The following MAP2 variants were observed in gnomAD, a reference collection of about 807,000 sequenced individuals.
The protein encoded by MAP2 is microtubule associated protein 2.
Under a neutral mutation model 137.6 loss-of-function variants are expected in MAP2, and 14 were observed. That is an observed-to-expected ratio of 0.10 (90% CI 0.07 to 0.16). MAP2 has a LOEUF of 0.16. MAP2 is among the 10% of genes least tolerant of loss of function. The pLI, the probability that MAP2 is intolerant of heterozygous loss-of-function variation, is 1.00. For missense variants in MAP2, 2,088 were observed against 2,191.5 expected (o/e 0.95, Z 0.94); for synonymous variants, 786 against 782.3 (o/e 1.00, Z -0.08).
intron 1 of MAP2, among the ~76,000 whole-genome samples, chr2:209,472,162 A>G (rs1003012495): frequency 5.9e-5 from 9 of 152,368 alleles, no homozygotes; most frequent in African/African-American, 1.2e-4. Flanking sequence ...GATGGTTACA[A>G]TAGTGAAACA....
chr2:209,637,989 A>G (rs2093703607), intron 4 of MAP2, among the ~76,000 whole-genome samples: 2 of 152,178 alleles, frequency 1.3e-5, no homozygotes, highest in South Asian at 4.1e-4. Context: ...TGCCACATCT[A>G]TTAAGACTTT....
At position 209,692,978 on chromosome 2, in the gene MAP2, C is replaced by G; in HGVS notation, c.808C>G (p.Pro270Ala). 6.2e-7 allele frequency: 1 copy of G among 1,613,580 alleles called. No homozygotes were observed. Among genetic ancestry groups the G allele is most frequent in the Non-Finnish European group, 8.5e-7 (1 of 1,179,820 alleles). ...KEQKDWFIEMPTEAKKDEWGL... is the reference protein window; with the variant it reads ...KEQKDWFIEMATEAKKDEWGL... Reference sequence around the variant, plus strand: ...ACAAAAGGACTGGTTCATCGAAATGCCAACGGAAGCAAAAAAGGATGAGTG... The same window carrying G: ...ACAAAAGGACTGGTTCATCGAAATGGCAACGGAAGCAAAAAAGGATGAGTG... The change falls in exon 8 of 16, where the codon CCA (proline) becomes GCA (alanine). Residue 270 changes from proline (P) to alanine (A), a missense_variant. Transcript: ENST00000682079.
intron 14 of MAP2, among the ~76,000 whole-genome samples, chr2:209,727,358 T>C (rs1490958050): frequency 1.3e-5 from 2 of 152,236 alleles, no homozygotes; most frequent in Non-Finnish European, 2.9e-5. Flanking sequence ...TCTTTCAGAA[T>C]GCAAAAGAAA....
chr2:209,462,241 T>A (rs1363307379), intron 1 of MAP2, among the ~76,000 whole-genome samples: 1 of 152,144 alleles, frequency 6.6e-6, no homozygotes, highest in Non-Finnish European at 1.5e-5. Flanking sequence ...ATAAAATAGA[T>A]GGCAGATGGT....
Position 209,692,974 on chromosome 2 carries a change from A to G in MAP2, c.804A>G (p.Glu268=). 1 of 1,613,990 alleles carries G rather than the reference A, an allele frequency of 6.2e-7. No homozygotes were observed. Among genetic ancestry groups the G allele is most frequent in the Non-Finnish European group, 8.5e-7 (1 of 1,179,942 alleles). The change falls in exon 8 of 16, where the codon GAA becomes GAG. Residue 268 remains glutamate, a synonymous_variant. Transcript: ENST00000682079. ...TPKEQKDWFI[E]MPTEAKKDEW... is the part of the protein sequence containing the mutation. ...AAGAACAAAAGGACTGGTTCATCGA[A>G]ATGCCAACGGAAGCAAAAAAGGATG...
intron 5 of MAP2, among the ~76,000 whole-genome samples, chr2:209,660,708 ATT>A (rs1480697227): frequency 1.6e-4 from 19 of 117,666 alleles, no homozygotes; most frequent in African/African-American, 6.2e-4. Context: ...TGCAATTATT[ATT>A]ATTATTATTA....
chr2:209,576,966 A>G (rs906946279), intron 2 of MAP2, among the ~76,000 whole-genome samples: 19 of 152,200 alleles, frequency 1.2e-4, no homozygotes, highest in Admixed American at 6.5e-5. Context: ...AATGACCTCC[A>G]GAGAGTATTA....
chr2:209,622,460 G>T (rs1477468436), intron 3 of MAP2, among the ~76,000 whole-genome samples: 2 of 152,140 alleles, frequency 1.3e-5, no homozygotes, highest in Admixed American at 1.3e-4. Flanking sequence ...TTTCTCATTT[G>T]TAAAGTGGGG....
chr2:209,545,086 TAGTA>T (rs1327123915), intron 2 of MAP2, among the ~76,000 whole-genome samples: 1 of 152,194 alleles, frequency 6.6e-6, no homozygotes, highest in Non-Finnish European at 1.5e-5. Flanking sequence ...TATGGGATAA[TAGTA>T]AGAGTTTTCT....
intron 1 of MAP2, among the ~76,000 whole-genome samples, chr2:209,433,989 A>G (rs1236455866): frequency 1.3e-5 from 2 of 152,100 alleles, no homozygotes; most frequent in Non-Finnish European, 2.9e-5. Flanking sequence ...GTGCCAAACA[A>G]CAACCAACAT....
chr2:209,625,056 G>A lies in MAP2; in HGVS notation c.-103G>A, dbSNP rs968190376. The A allele has an allele frequency of 9.2e-5, 14 of 152,106 alleles. No homozygotes were observed. The highest frequency in any genetic ancestry group is 3.1e-4 in the African/African-American group (13 of 41,432). The allele number at this position is 152,106 out of a possible 1,614,324, so 9.4% of individuals were successfully genotyped here. On this transcript the variant is annotated 5_prime_UTR_variant, in exon 4 of 16. Coordinates refer to ENST00000682079, the MANE Select transcript of MAP2 (RefSeq NM_001375505.1). ...TAATTTTCTATTTTTTTAACAGAAAGAAGCCAGAAAATATTATCAACCCTT... is the reference window on the plus strand; with the variant it reads ...TAATTTTCTATTTTTTTAACAGAAAAAAGCCAGAAAATATTATCAACCCTT...
intron 1 of MAP2, among the ~76,000 whole-genome samples, chr2:209,471,196 C>A (rs1705626886): frequency 6.6e-6 from 1 of 152,220 alleles, no homozygotes; most frequent in South Asian, 2.1e-4. Flanking sequence ...TTCTAGTTCA[C>A]ATTCTCACCC....
chr2:209,632,335 A>C (rs1267071390), intron 4 of MAP2, among the ~76,000 whole-genome samples: 2 of 152,124 alleles, frequency 1.3e-5, no homozygotes, highest in Non-Finnish European at 2.9e-5. Flanking sequence ...AACATTAGGG[A>C]ACATTCACAT....
chr2:209,549,061 G>A (rs2068648678), intron 2 of MAP2, among the ~76,000 whole-genome samples: 1 of 152,144 alleles, frequency 6.6e-6, no homozygotes, highest in Non-Finnish European at 1.5e-5. Context: ...TTGCCCTATA[G>A]TCACAAGATA....
intron 4 of MAP2, among the ~76,000 whole-genome samples, chr2:209,645,518 TG>T (rs1240875097): frequency 2.0e-5 from 3 of 152,170 alleles, no homozygotes; most frequent in Non-Finnish European, 4.4e-5. Context: ...TCTGTTAACC[TG>T]TAACCTATCT....
chr2:209,587,532 A>G (rs2078078338), intron 3 of MAP2, among the ~76,000 whole-genome samples: 1 of 152,150 alleles, frequency 6.6e-6, no homozygotes, highest in South Asian at 2.1e-4. Context: ...AGAAGCCTTG[A>G]CAGACTCTGT....
rs1559159682 is a variant in MAP2, at chr2:209,436,015, T to TTATATATAATATATACAGTATATATTA, written c.-222+11748_-222+11749insTATATACAGTATATATTATATATATAA. ...TTATATACTATATATACAGTATATA[T>TTATATATAATATATACAGTATATATTA]TATATATAAAATATATATATATGTA... is the stretch of plus-strand genomic sequence containing the variant. On this transcript the variant is annotated intron_variant, in intron 1 of 15. Coordinates refer to ENST00000682079, the MANE Select transcript of MAP2 (RefSeq NM_001375505.1). Among the ~76,000 whole-genome samples, 53 of 90,304 alleles carry TTATATATAATATATACAGTATATATTA rather than the reference T, an allele frequency of 5.9e-4. 2 individuals are homozygous for TTATATATAATATATACAGTATATATTA. The highest frequency in any genetic ancestry group is 4.4e-3 in the African/African-American group (47 of 10,576). 59.2% of individuals were successfully genotyped at this position (90,304 alleles called of 152,430 possible).
intron 2 of MAP2, among the ~76,000 whole-genome samples, chr2:209,528,909 T>C (rs555593416): frequency 5.9e-5 from 9 of 151,316 alleles, no homozygotes; most frequent in East Asian, 3.9e-4. Context: ...TATACACACA[T>C]ATATACACAC....
chr2:209,474,213 A>G (rs1169193514), intron 1 of MAP2, among the ~76,000 whole-genome samples: 2 of 152,196 alleles, frequency 1.3e-5, no homozygotes, highest in Non-Finnish European at 2.9e-5. Context: ...TTGTGGTTTA[A>G]TCTTTGTAAA....
Sources: allele counts gnomAD v4.1 joint callset (sites outside exome capture counted in the v4.1 genomes callset), GRCh38; gene constraint gnomAD v4.1.1; transcripts MANE v1.5; gene names NCBI Gene and HGNC (gene_info 2026-07-23, HGNC 2026-07-21).